ATP2C2: variants seen among roughly 807,000 people sequenced by gnomAD.
The protein encoded by ATP2C2 is calcium-transporting ATPase type 2C member 2.
Under a neutral mutation model 110.8 loss-of-function variants are expected in ATP2C2, and 171 were observed. That is an observed-to-expected ratio of 1.54 (90% CI 1.36 to 1.75). The LOEUF is 1.75. Ranked by LOEUF, ATP2C2 falls within the 40% of genes most tolerant of loss-of-function variation. ATP2C2 has a pLI of 0.00. For synonymous variants in ATP2C2, 804 were observed against 508.4 expected, an observed-to-expected ratio of 1.58 and a Z score of -7.82; for missense variants, 1,963 against 1,235.0, an observed-to-expected ratio of 1.59 and a Z score of -8.84.
At chr16:84,453,714 C>G (rs569915696) in intron 20 of ATP2C2, among the ~76,000 whole-genome samples, 6 of 152,198 alleles carry the variant, frequency 3.9e-5, no homozygotes, top group African/African-American at 1.4e-4. Flanking sequence ...ACGAGCCCCA[C>G]CAAACCTGGG....
At chr16:84,402,575 T>G (rs777799987) in intron 2 of ATP2C2, among the ~76,000 whole-genome samples, 8 of 152,238 alleles carry the variant, frequency 5.3e-5, no homozygotes, top group Non-Finnish European at 1.0e-4. Flanking sequence ...GTTTTTGTCT[T>G]TCATTCTGTT....
At chr16:84,454,411 C>T (rs1287052082) in intron 20 of ATP2C2, among the ~76,000 whole-genome samples, 1 of 152,210 alleles carries the variant, frequency 6.6e-6, no homozygotes, top group Non-Finnish European at 1.5e-5. Context: ...TTTAGCTCTA[C>T]AGAGTAAATC....
chr16:84,460,481 G>T (rs751341079), intron 23 of ATP2C2, 173 bp from the exon 24 acceptor site: 1 of 867,446 alleles, frequency 1.2e-6, no homozygotes, highest in Non-Finnish European at 1.9e-6. Flanking sequence ...CCCAGGCTCT[G>T]GGGCTTCTGG....
At chr16:84,433,209 CTG>C (rs1160766951) in intron 11 of ATP2C2, among the ~76,000 whole-genome samples, 1 of 152,008 alleles carries the variant, frequency 6.6e-6, no homozygotes, top group Non-Finnish European at 1.5e-5. Flanking sequence ...GTGAGACTGT[CTG>C]TACAAAAACA....
chr16:84,447,506 A>G (rs895579944), intron 16 of ATP2C2, among the ~76,000 whole-genome samples: 2 of 151,878 alleles, frequency 1.3e-5, no homozygotes, highest in African/African-American at 4.8e-5. Flanking sequence ...TGCAAACGAC[A>G]ACATCTGGAT....
chr16:84,462,005 G>C lies in ATP2C2; in HGVS notation c.2598G>C (p.Glu866Asp), dbSNP rs561585105. The C allele has an allele frequency of 6.2e-7, 1 of 1,613,868 alleles. No homozygotes were observed. Reference sequence around the variant, plus strand: ...CCCTGCAGACCAAGCTGATATTTGAGATCGGCTTTCTCAGGAACCACATGT... The same window carrying C: ...CCCTGCAGACCAAGCTGATATTTGACATCGGCTTTCTCAGGAACCACATGT... ...TCRSQTKLIFEIGFLRNHMFL... is the reference protein window; with the variant it reads ...TCRSQTKLIFDIGFLRNHMFL... Residue 866 changes from glutamate to aspartate, a missense_variant, in exon 26 of 27, where the codon GAG (glutamate) becomes GAC (aspartate). Physicochemically the swap from Glu to Asp is conservative, Grantham distance 45. Transcript: ENST00000262429.
intron 2 of ATP2C2, among the ~76,000 whole-genome samples, chr16:84,401,908 G>T (rs777212171): frequency 1.3e-5 from 2 of 151,768 alleles, no homozygotes; most frequent in South Asian, 2.1e-4. Context: ...TAAATCTATA[G>T]ATTGCTTTGG....
At chr16:84,390,997 C>T (rs866239003) in intron 1 of ATP2C2, among the ~76,000 whole-genome samples, 3 of 150,940 alleles carry the variant, frequency 2.0e-5, no homozygotes, top group African/African-American at 7.3e-5. Flanking sequence ...ACCTGTAATC[C>T]CAGCTACTCG....
intron 1 of ATP2C2, among the ~76,000 whole-genome samples, chr16:84,386,884 G>T (rs1904343394): frequency 6.6e-6 from 1 of 151,820 alleles, no homozygotes; most frequent in African/African-American, 2.4e-5. Flanking sequence ...CCTCTACCCT[G>T]TTGGCTGCAT....
chr16:84,452,279 A>G (rs751242290), intron 18 of ATP2C2, among the ~76,000 whole-genome samples, 188 bp downstream of exon 18: 1 of 152,164 alleles, frequency 6.6e-6, no homozygotes, highest in Admixed American at 6.5e-5. Context: ...CGTTTCTGAA[A>G]TGTTGGCAGG....
chr16:84,450,402 A>AC (rs764097582), intron 17 of ATP2C2, among the ~76,000 whole-genome samples: 20 of 151,268 alleles, frequency 1.3e-4, no homozygotes, highest in Non-Finnish European at 1.8e-4. Context: ...GGGCTTTGAG[A>AC]CCCCCCACCC....
intron 7 of ATP2C2, among the ~76,000 whole-genome samples, chr16:84,421,836 G>C (rs139746199): frequency 6.6e-6 from 1 of 152,300 alleles, no homozygotes; most frequent in African/African-American, 2.4e-5. Context: ...GGTGAGTTCT[G>C]AGGGCTAAGC....
At chr16:84,391,121 A>C (rs1904635259) in intron 1 of ATP2C2, among the ~76,000 whole-genome samples, 1 of 151,222 alleles carries the variant, frequency 6.6e-6, no homozygotes, top group Non-Finnish European at 1.5e-5. Context: ...CTCAAAAAAA[A>C]AAAAAAAAAA....
intron 20 of ATP2C2, among the ~76,000 whole-genome samples, chr16:84,453,927 G>T (rs1351256175): frequency 6.6e-6 from 1 of 151,970 alleles, no homozygotes; most frequent in Admixed American, 6.6e-5. Context: ...TTCAACCTCT[G>T]CCTCCCAGGG....
At position 84,460,476 on chromosome 16, in the gene ATP2C2, G is replaced by A. The variant is rs533967751; in HGVS notation, c.2334-178G>A. On this transcript the variant is annotated intron_variant, in intron 23 of 26. Transcript: ENST00000262429. ...GGGGCACAGCTGCCCATGGACCCAG[G>A]CTCTGGGGCTTCTGGAAGGTGCCGA... The A allele has an allele frequency of 7.8e-5, 65 of 837,564 alleles. 2 individuals are homozygous for A. The South Asian group carries it at 9.6e-4, about 12-fold the overall frequency. 51.9% of individuals were successfully genotyped at this position (837,564 alleles called of 1,614,324 possible). A position where few individuals can be genotyped will look rare whatever the true frequency, so the allele number is the denominator to read the frequency against.
At position 84,415,534 on chromosome 16, in the gene ATP2C2, T is replaced by C; in HGVS notation, c.567T>C (p.Gly189=). 6.2e-7 allele frequency: 1 copy of C among 1,614,204 alleles called. No individual in the cohort carries two copies. The highest frequency in any genetic ancestry group is 1.1e-5 in the South Asian group (1 of 91,076). The change falls in exon 7 of 27, where the codon GGT becomes GGC. Residue 189 remains glycine (G), a synonymous_variant. Coordinates refer to ENST00000262429, the MANE Select transcript of ATP2C2 (RefSeq NM_014861.4). ...TGCTTGCTCGAGAACTGGTTCCTGG[T>C]GATGTCGTATCTCTCTCGATCGGAG... ...QHLLARELVP[G]DVVSLSIGDR...
intron 7 of ATP2C2, among the ~76,000 whole-genome samples, 166 bp downstream of exon 7, chr16:84,415,757 C>T (rs886092216): frequency 2.0e-5 from 3 of 152,194 alleles, no homozygotes; most frequent in Non-Finnish European, 2.9e-5. Flanking sequence ...GCGTGTTCTA[C>T]GCATAGAGCC....
rs577556047 is a variant in ATP2C2 at position 84,398,843 on chromosome 16, ACT to A, written c.210+237_210+238del. 2.6e-3 allele frequency among the ~76,000 whole-genome samples: 398 copies of A among 152,254 alleles called. 2 individuals carry two copies. Among genetic ancestry groups the A allele is most frequent in the African/African-American group, 8.7e-3 (360 of 41,546 alleles). ...ACCGGAAGACGGCGTCCTTTGAGAC[ACT>A]CTGTGTACGCTGCTTCTCTTCAGCC... On this transcript the variant is annotated intron_variant, in intron 2 of 26. Coordinates refer to ENST00000262429, the MANE Select transcript of ATP2C2 (RefSeq NM_014861.4).
chr16:84,376,022 C>G (rs1910229252), intron 1 of ATP2C2, among the ~76,000 whole-genome samples: 1 of 152,038 alleles, frequency 6.6e-6, no homozygotes, highest in East Asian at 1.9e-4. Context: ...GGCAAGAATC[C>G]AGATCCCCAG....
Sources: allele counts gnomAD v4.1 joint callset (sites outside exome capture counted in the v4.1 genomes callset), GRCh38; gene constraint gnomAD v4.1.1; transcripts MANE v1.5; gene names NCBI Gene and HGNC (gene_info 2026-07-23, HGNC 2026-07-21).